Variants in EGFR observed in about 807,000 individuals in gnomAD.
The protein encoded by EGFR is avian erythroblastic leukemia viral (v-erb-b) oncogene homolog.
Under a neutral mutation model 143.0 loss-of-function variants are expected in EGFR, and 58 were observed. The observed-to-expected ratio is 0.41, with a 90% CI of 0.33 to 0.50. The LOEUF (loss-of-function observed/expected upper bound fraction) is 0.50, where lower values mean the gene tolerates loss of function less well. Ranked by LOEUF, EGFR falls within the 20% of genes least tolerant of loss-of-function variation. The pLI, the probability that EGFR is intolerant of heterozygous loss-of-function variation, is 0.39. For missense variants in EGFR, 1,307 were observed against 1,579.0 expected (o/e 0.83, Z 2.92); for synonymous variants, 613 against 594.4 (o/e 1.03, Z -0.45).
chr7:55,051,580 C>G (rs1349181721), intron 1 of EGFR, among the ~76,000 whole-genome samples: 1 of 152,160 alleles, frequency 6.6e-6, no homozygotes, highest in African/African-American at 2.4e-5. Context: ...GAACCACGAG[C>G]CAGACAAATT....
chr7:55,164,992 A>G (rs528236525), intron 14 of EGFR, among the ~76,000 whole-genome samples: 3 of 152,348 alleles, frequency 2.0e-5, no homozygotes, highest in Admixed American at 2.0e-4. Context: ...TTTGCCAAGG[A>G]AAGATGCCCA....
intron 1 of EGFR, chr7:55,044,006 A>G (rs1011766671): frequency 3.9e-5 from 6 of 152,170 alleles, no homozygotes; most frequent in African/African-American, 1.4e-4. Context: ...CGCCTTAGTT[A>G]TATGCACCCA....
chr7:55,148,960 A>G (rs1794900888), intron 4 of EGFR, among the ~76,000 whole-genome samples: 1 of 152,220 alleles, frequency 6.6e-6, no homozygotes, highest in Non-Finnish European at 1.5e-5. Context: ...TTTATGTTGA[A>G]GTTGGGCATT....
intron 1 of EGFR, chr7:55,109,848 C>G: frequency 1.0e-6 from 1 of 985,494 alleles, no homozygotes; most frequent in South Asian, 4.7e-5. Context: ...CAGTTCTCCA[C>G]TGGACTTCAG....
intron 1 of EGFR, among the ~76,000 whole-genome samples, chr7:55,087,477 T>C (rs1790839599): frequency 6.6e-6 from 1 of 152,148 alleles, no homozygotes; most frequent in South Asian, 2.1e-4. Context: ...TCTTATTCTA[T>C]GCACCCGAAG....
At chr7:55,156,353 C>T (rs1184121591) in intron 8 of EGFR, among the ~76,000 whole-genome samples, 180 bp from the exon 9 acceptor site, 2 of 152,158 alleles carry the variant, frequency 1.3e-5, no homozygotes, top group Admixed American at 1.3e-4. Flanking sequence ...GTCCTGGTGT[C>T]CCCCCTTCCC....
intron 1 of EGFR, among the ~76,000 whole-genome samples, chr7:55,080,881 G>A (rs1790428806): frequency 6.6e-6 from 1 of 152,156 alleles, no homozygotes; most frequent in Non-Finnish European, 1.5e-5. Flanking sequence ...GGTGGGGACA[G>A]GTGTGGGATA....
chr7:55,024,418 G>A (rs775480319), intron 1 of EGFR, among the ~76,000 whole-genome samples: 1 of 152,174 alleles, frequency 6.6e-6, no homozygotes, highest in Non-Finnish European at 1.5e-5. Context: ...TCATTCTGGT[G>A]GGTTTTCAAG....
intron 1 of EGFR, among the ~76,000 whole-genome samples, chr7:55,100,857 C>G (rs1156271560): frequency 1.3e-5 from 2 of 152,270 alleles, no homozygotes; most frequent in Non-Finnish European, 2.9e-5. Context: ...TGACAGGGAA[C>G]TTGCCACTGC....
In EGFR at chr7:55,086,625, G is replaced by A. The variant is rs145565724; in HGVS notation, c.89-55661G>A. Among the ~76,000 whole-genome samples the A allele has an allele frequency of 6.7e-4, 102 of 152,314 alleles. 1 individual carries two copies. Among genetic ancestry groups the A allele is most frequent in the African/African-American group, 2.0e-3 (84 of 41,564 alleles). On this transcript the variant is annotated intron_variant, in intron 1 of 27. Coordinates refer to ENST00000275493, the MANE Select transcript of EGFR (RefSeq NM_005228.5). ...CTGCCCAGTCACCCGGGTCTGGGGC[G>A]GCCACCGCTGGCCAGCAGGCAGGCC...
intron 19 of EGFR, among the ~76,000 whole-genome samples, chr7:55,178,138 T>G (rs1363925252): frequency 6.6e-6 from 1 of 152,180 alleles, no homozygotes; most frequent in African/African-American, 2.4e-5. Context: ...ACTGCTCTGG[T>G]TTGCAGATTT....
At chr7:55,042,191 G>T (rs1787936646) in intron 1 of EGFR, among the ~76,000 whole-genome samples, 1 of 152,134 alleles carries the variant, frequency 6.6e-6, no homozygotes, top group East Asian at 1.9e-4. Flanking sequence ...TTACATCAAA[G>T]AAAAATAAGT....
chr7:55,107,598 T>C (rs967659348), intron 1 of EGFR, among the ~76,000 whole-genome samples: 1 of 152,326 alleles, frequency 6.6e-6, no homozygotes, highest in African/African-American at 2.4e-5. Flanking sequence ...ATCTTGCATG[T>C]CCCAAGCACT....
At chr7:55,020,352 CG>C (rs1786474592) in intron 1 of EGFR, among the ~76,000 whole-genome samples, 1 of 152,218 alleles carries the variant, frequency 6.6e-6, no homozygotes, top group African/African-American at 2.4e-5. Context: ...CGCGGTGGAG[CG>C]GGACGCGGCT....
chr7:55,188,493 C>G lies in EGFR; in HGVS notation c.2470-3226C>G, dbSNP rs534023222. ...GGCTTTTCAAATCCCCTTTTAACCTCAGTGCTGTATTTCAAAATTCATTCC... is the reference window on the plus strand; with the variant it reads ...GGCTTTTCAAATCCCCTTTTAACCTGAGTGCTGTATTTCAAAATTCATTCC... On this transcript the variant is annotated intron_variant, in intron 20 of 27. Coordinates refer to ENST00000275493, the MANE Select transcript of EGFR (RefSeq NM_005228.5). Among the ~76,000 whole-genome samples, 6 of 152,262 alleles carry G rather than the reference C, an allele frequency of 3.9e-5. No homozygotes were observed. The East Asian group carries it at 7.7e-4, about 20-fold the overall frequency.
At position 55,146,623 on chromosome 7, in the gene EGFR, G is replaced by A. The variant is rs1562756942; in HGVS notation, c.442G>A (p.Val148Met). Reference protein sequence around the residue: ...RNLQEILHGAVRFSNNPALCN... With the variant: ...RNLQEILHGAMRFSNNPALCN... Reference sequence around the variant, plus strand: ...TCCCGCAGAAATCCTGCATGGCGCCGTGCGGTTCAGCAACAACCCTGCCCT... The same window carrying A: ...TCCCGCAGAAATCCTGCATGGCGCCATGCGGTTCAGCAACAACCCTGCCCT... The change falls in exon 4 of 28, where the codon GTG becomes ATG. Residue 148 changes from valine to methionine, a missense_variant. Val to Met is a conservative substitution (Grantham distance 21). Transcript: ENST00000275493. 9 of 1,613,970 alleles carry A rather than the reference G, an allele frequency of 5.6e-6. No individual in the cohort carries two copies. Among genetic ancestry groups the A allele is most frequent in the African/African-American group, 4.0e-5 (3 of 74,890 alleles).
At chr7:55,113,954 G>A (rs1430191582) in intron 1 of EGFR, among the ~76,000 whole-genome samples, 4 of 152,206 alleles carry the variant, frequency 2.6e-5, no homozygotes, top group African/African-American at 9.6e-5. Flanking sequence ...CGGCCATGGT[G>A]GCAGGGGCTT....
chr7:55,171,286 C>T, intron 16 of EGFR, 73 bp downstream of exon 16: 1 of 1,588,994 alleles, frequency 6.3e-7, no homozygotes, highest in Non-Finnish European at 8.6e-7. Flanking sequence ...AAGATGCTTT[C>T]CTGCATTTCT....
intron 24 of EGFR, chr7:55,200,767 G>C (rs1316644652): frequency 2.1e-6 from 1 of 482,618 alleles, no homozygotes; most frequent in East Asian, 3.7e-5. Context: ...CCACTTCTTC[G>C]CATCACCCAG....
Sources: gnomAD v4.1 joint callset for allele counts (sites outside exome capture counted in the v4.1 genomes callset) on GRCh38, gnomAD v4.1.1 for gene constraint, MANE v1.5 for transcripts, NCBI Gene and HGNC (gene_info 2026-07-23, HGNC 2026-07-21) for gene names.